The following QPCT variants were observed in gnomAD, a reference collection of about 807,000 sequenced individuals.
QPCT encodes the protein glutaminyl-peptide cyclotransferase.
In QPCT, 44 loss-of-function variants were observed where a neutral mutation model predicts 43.4. That is an observed-to-expected ratio of 1.01 (90% CI 0.80 to 1.30). The LOEUF (loss-of-function observed/expected upper bound fraction) is 1.30, where lower values mean the gene tolerates loss of function less well. Among genes scored for constraint, QPCT ranks in the 50% most tolerant of loss-of-function variants. QPCT has a pLI of 0.00. For missense variants in QPCT, 526 were observed against 436.5 expected, an observed-to-expected ratio of 1.21 and a Z score of -1.83; for synonymous variants, 168 against 168.4, an observed-to-expected ratio of 1.00 and a Z score of 0.02.
chr2:37,361,366 T>A (rs1467333015), intron 3 of QPCT, among the ~76,000 whole-genome samples: 2 of 152,262 alleles, frequency 1.3e-5, no homozygotes, highest in African/African-American at 4.8e-5. Flanking sequence ...GTAATAGGAC[T>A]GTCATTACAC....
rs1290532141 is a variant in QPCT, at chr2:37,372,848, T to G, written c.*21T>G. 6.4e-7 allele frequency: 1 copy of G among 1,574,098 alleles called. No homozygotes were observed. The highest frequency in any genetic ancestry group is 1.8e-5 in the Admixed American group (1 of 54,212). ...TGTAATACTCTGATTTAGTTTAGGA[T>G]AATTGGTTCTAGAATTGAATTCAAA... On this transcript the variant is annotated 3_prime_UTR_variant, in exon 7 of 7. Coordinates refer to ENST00000338415, the MANE Select transcript of QPCT (RefSeq NM_012413.4).
chr2:37,372,074 C>A (rs1482366229), intron 5 of QPCT, among the ~76,000 whole-genome samples: 1 of 152,156 alleles, frequency 6.6e-6, no homozygotes, highest in Admixed American at 6.5e-5. Flanking sequence ...TTTTTTCATT[C>A]TCTATCTCTT....
chr2:37,349,608 C>G (rs930344645), intron 1 of QPCT, among the ~76,000 whole-genome samples: 3 of 152,204 alleles, frequency 2.0e-5, no homozygotes, highest in Admixed American at 6.5e-5. Context: ...CAAGGAGCCA[C>G]TGGTAAACAG....
rs1373272812 is a variant in QPCT, at chr2:37,359,738, C to G, written c.426C>G (p.Asp142Glu). ...KRHLVLACHY[D>E]SKYFSHWNNR... Reference sequence around the variant, plus strand: ...ATTTGGTCCTCGCCTGCCACTATGACTCCAAGTATTTTTCCCACTGGAACA... The same window carrying G: ...ATTTGGTCCTCGCCTGCCACTATGAGTCCAAGTATTTTTCCCACTGGAACA... Residue 142 changes from aspartate (D) to glutamate (E), a missense_variant, in exon 3 of 7, where the codon GAC becomes GAG. Asp to Glu is a conservative substitution (Grantham distance 45). Coordinates refer to ENST00000338415, the MANE Select transcript of QPCT (RefSeq NM_012413.4). 1.2e-6 allele frequency: 2 copies of G among 1,614,072 alleles called. No homozygotes were observed.
At position 37,352,796 on chromosome 2, in the gene QPCT, A is replaced by G. The variant is rs748323569; in HGVS notation, c.128A>G (p.His43Arg). 8 of 1,613,806 alleles carry G rather than the reference A, an allele frequency of 5.0e-6. No homozygotes were observed. The highest frequency in any genetic ancestry group is 6.8e-6 in the Non-Finnish European group (8 of 1,179,812). Residue 43 changes from histidine (H) to arginine (R), a missense_variant, in exon 2 of 7, where the codon CAC becomes CGC. Physicochemically the swap from His to Arg is conservative, Grantham distance 29. Transcript: ENST00000338415. ...ASAWPEEKNY[H>R]QPAILNSSAL... ...ATTTCATTCAATCCTCAGAATTACCACCAGCCAGCCATTTTGAATTCATCG... is the reference window on the plus strand; with the variant it reads ...ATTTCATTCAATCCTCAGAATTACCGCCAGCCAGCCATTTTGAATTCATCG...
intron 2 of QPCT, among the ~76,000 whole-genome samples, chr2:37,357,209 C>T (rs1313348058): frequency 6.6e-6 from 1 of 151,162 alleles, no homozygotes; most frequent in Non-Finnish European, 1.5e-5. Flanking sequence ...AGCTTGCAAT[C>T]TGCAATTGGT....
chr2:37,372,744 A>G lies in QPCT; in HGVS notation c.1003A>G (p.Asn335Asp). ...TGAAGTCTGGCACACCATGGATGACAATGAAGAAAATTTGGATGAATCAAC... is the reference window on the plus strand; with the variant it reads ...TGAAGTCTGGCACACCATGGATGACGATGAAGAAAATTTGGATGAATCAAC... The part of the protein sequence containing the change: ...FPEVWHTMDD[N>D]EENLDESTID... Residue 335 changes from asparagine (N) to aspartate (D), a missense_variant, in exon 7 of 7, where the codon AAT becomes GAT. Transcript: ENST00000338415. The G allele has an allele frequency of 6.2e-7, 1 of 1,613,588 alleles. No homozygotes were observed. The highest frequency in any genetic ancestry group is 8.5e-7 in the Non-Finnish European group (1 of 1,179,592).
chr2:37,366,122 G>A lies in QPCT; in HGVS notation c.547-1110G>A, dbSNP rs76235391. Among the ~76,000 whole-genome samples, 297 of 152,238 alleles carry A rather than the reference G, an allele frequency of 2.0e-3. 1 individual carries two copies. Among genetic ancestry groups the A allele is most frequent in the African/African-American group, 7.0e-3 (292 of 41,528 alleles). The stretch of plus-strand genomic sequence containing the variant: ...ATATAGAGTGAAGTGAGGACATTAT[G>A]GGGGTGAAGGACCATGAAAAGGTGA... On this transcript the variant is annotated intron_variant, in intron 3 of 6. Transcript: ENST00000338415.
At chr2:37,353,766 A>C (rs1357642132) in intron 2 of QPCT, among the ~76,000 whole-genome samples, 1 of 152,190 alleles carries the variant, frequency 6.6e-6, no homozygotes, top group Non-Finnish European at 1.5e-5. Flanking sequence ...AAGGAATGGG[A>C]CTGGCCCTTC....
chr2:37,345,529 C>A (rs1185140978), intron 1 of QPCT, among the ~76,000 whole-genome samples: 1 of 152,136 alleles, frequency 6.6e-6, no homozygotes, highest in East Asian at 1.9e-4. Context: ...TTTGCAAGTT[C>A]CCTCTGTAAG....
At chr2:37,351,310 A>G (rs572356110) in intron 1 of QPCT, among the ~76,000 whole-genome samples, 11 of 152,204 alleles carry the variant, frequency 7.2e-5, no homozygotes, top group Non-Finnish European at 1.2e-4. Context: ...CATCTGATCA[A>G]TTGTTCTCTT....
At chr2:37,363,258 G>A (rs148201143) in intron 3 of QPCT, among the ~76,000 whole-genome samples, 258 of 152,264 alleles carry the variant, frequency 1.7e-3, no homozygotes, top group African/African-American at 5.9e-3. Flanking sequence ...TCTCCAACCA[G>A]CATTTTAATA....
intron 4 of QPCT, chr2:37,368,737 T>A: frequency 2.1e-6 from 1 of 470,464 alleles, no homozygotes; most frequent in Non-Finnish European, 4.4e-6. Flanking sequence ...AGACGCCTGG[T>A]TGATCAGCAG....
At chr2:37,352,965 T>C in intron 2 of QPCT, 30 bp downstream of exon 2, 1 of 1,599,856 alleles carries the variant, frequency 6.3e-7, no homozygotes, top group African/African-American at 1.3e-5. Context: ...ACCTCAAGCT[T>C]GTGTGAATAC....
intron 1 of QPCT, among the ~76,000 whole-genome samples, chr2:37,349,097 G>T (rs1447544564): frequency 6.6e-6 from 1 of 152,194 alleles, no homozygotes. Flanking sequence ...TGAATAGAAG[G>T]CTTAAGTAGT....
chr2:37,365,948 T>C (rs1672951016), intron 3 of QPCT, among the ~76,000 whole-genome samples: 1 of 152,232 alleles, frequency 6.6e-6, no homozygotes, highest in Admixed American at 6.5e-5. Flanking sequence ...TATATTTTTT[T>C]CTCTGGTGAG....
chr2:37,373,077 A>C lies in QPCT; in HGVS notation c.*250A>C. On this transcript the variant is annotated 3_prime_UTR_variant, in exon 7 of 7. Transcript: ENST00000338415. ...ACCGTGTAAAGAAAATGGAAAATAA[A>C]TATCTTTCAAAGACTCTTTTAGATA... is the stretch of plus-strand genomic sequence containing the variant. 3.3e-6 allele frequency: 1 copy of C among 298,776 alleles called. No homozygotes were observed. The highest frequency in any genetic ancestry group is 6.1e-6 in the Non-Finnish European group (1 of 164,240). 18.5% of individuals were successfully genotyped at this position (298,776 alleles called of 1,614,324 possible). A position where few individuals can be genotyped will look rare whatever the true frequency, so the allele number is the denominator to read the frequency against.
rs79195175 is a variant in QPCT at position 37,359,283 on chromosome 2, G to A, written c.268-297G>A. Among the ~76,000 whole-genome samples, 11 of 152,252 alleles carry A rather than the reference G, an allele frequency of 7.2e-5. No individual in the cohort carries two copies. In the East Asian group the frequency reaches 1.7e-3, roughly 24 times the overall value. On this transcript the variant is annotated intron_variant, in intron 2 of 6. Transcript: ENST00000338415. ...TGCATAAGCAAGGAGAAGATATGTC[G>A]AAAGATCTGCATCAAACTATTAACA...
At position 37,356,531 on chromosome 2, in the gene QPCT, T is replaced by C. The variant is rs73924609; in HGVS notation, c.268-3049T>C. ...TCCCTGCTTACGGGTATTTGAATGA[T>C]AGTAGTGGTCGTTTGGGGAGTTCCC... On this transcript the variant is annotated intron_variant, in intron 2 of 6. Transcript: ENST00000338415. Among the ~76,000 whole-genome samples the C allele has an allele frequency of 4.1e-3, 618 of 152,304 alleles. 4 individuals carry two copies. The highest frequency in any genetic ancestry group is 0.014 in the African/African-American group (600 of 41,562).
Sources: allele counts gnomAD v4.1 joint callset (sites outside exome capture counted in the v4.1 genomes callset), GRCh38; gene constraint gnomAD v4.1.1; transcripts MANE v1.5; gene names NCBI Gene and HGNC (gene_info 2026-07-23, HGNC 2026-07-21).